The following MTMR3 variants were observed in gnomAD, a reference collection of about 807,000 sequenced individuals.
The protein encoded by MTMR3 is phosphatidylinositol-3,5-bisphosphate 3-phosphatase MTMR3.
MTMR3 carries 32 observed loss-of-function variants against 132.4 expected under a neutral mutation model. That is an observed-to-expected ratio of 0.24 (90% CI 0.18 to 0.32). The LOEUF (loss-of-function observed/expected upper bound fraction) is 0.32. Among genes scored for constraint, MTMR3 ranks in the 10% least tolerant of loss-of-function variants. The pLI is 1.00. For missense variants in MTMR3, 1,216 were observed against 1,489.6 expected, an observed-to-expected ratio of 0.82 and a Z score of 3.02; for synonymous variants, 556 against 550.3, an observed-to-expected ratio of 1.01 and a Z score of -0.14.
At chr22:30,000,139 A>G (rs2067139624) in intron 8 of MTMR3, 1 of 152,042 alleles carries the variant, frequency 6.6e-6, no homozygotes. Flanking sequence ...AAAATTGTCC[A>G]TGATAGTTAA....
intron 13 of MTMR3, 23 bp from the exon 14 acceptor site, chr22:30,013,331 GTC>G (rs748206754): frequency 1.2e-6 from 2 of 1,611,612 alleles, no homozygotes; most frequent in African/African-American, 2.7e-5. Context: ...AGCACAAATG[GTC>G]TCTCCTGGAT....
intron 1 of MTMR3, among the ~76,000 whole-genome samples, chr22:29,948,102 A>G (rs1284704324): frequency 6.6e-6 from 1 of 152,204 alleles, no homozygotes; most frequent in Non-Finnish European, 1.5e-5. Context: ...GATTATTTTC[A>G]TTTCACATAG....
chr22:29,902,062 A>G (rs1337908115), intron 1 of MTMR3, among the ~76,000 whole-genome samples: 1 of 152,160 alleles, frequency 6.6e-6, no homozygotes, highest in East Asian at 1.9e-4. Context: ...TTATGGTTTA[A>G]AAAAATATGG....
intron 19 of MTMR3, chr22:30,023,573 T>TA: frequency 6.6e-7 from 1 of 1,506,698 alleles, no homozygotes; most frequent in Admixed American, 1.7e-5. Flanking sequence ...TCTCTGCACT[T>TA]ACTAGGGTGA....
At chr22:30,013,621 A>T (rs1029649898) in intron 14 of MTMR3, 80 bp downstream of exon 14, 11 of 1,341,022 alleles carry the variant, frequency 8.2e-6, no homozygotes, top group Non-Finnish European at 1.1e-5. Flanking sequence ...CTCACATGAA[A>T]CTGTGCTGCC....
chr22:29,884,450 C>A lies in MTMR3; in HGVS notation c.-138+1091C>A, dbSNP rs544839963. 2.7e-5 allele frequency among the ~76,000 whole-genome samples: 4 copies of A among 150,730 alleles called. No homozygotes were observed. The East Asian group carries it at 7.8e-4, about 29-fold the overall frequency. On this transcript the variant is annotated intron_variant, in intron 1 of 19. Transcript: ENST00000401950. Reference sequence around the variant, plus strand: ...GGTGGGGACCTTCCCCTTTCAGATTCAGGGCTGTTCAGTAGGACAGGAGAC... The same window carrying A: ...GGTGGGGACCTTCCCCTTTCAGATTAAGGGCTGTTCAGTAGGACAGGAGAC...
At chr22:29,927,149 T>C (rs1335002469) in intron 1 of MTMR3, among the ~76,000 whole-genome samples, 31 of 152,228 alleles carry the variant, frequency 2.0e-4, no homozygotes, top group Admixed American at 1.9e-3. Context: ...GTTAAATAAA[T>C]GTTAAATAAA....
chr22:29,895,771 G>A (rs985238303), intron 1 of MTMR3, among the ~76,000 whole-genome samples: 6 of 152,062 alleles, frequency 3.9e-5, no homozygotes, highest in African/African-American at 1.2e-4. Flanking sequence ...GGAGCAGACC[G>A]CCAAACAGTG....
At chr22:29,938,912 C>G (rs1226815586) in intron 1 of MTMR3, among the ~76,000 whole-genome samples, 2 of 152,062 alleles carry the variant, frequency 1.3e-5, no homozygotes, top group Non-Finnish European at 2.9e-5. Context: ...ACCTCCACCT[C>G]CCGGGTTCAA....
chr22:29,956,502 C>T (rs1011651789), intron 1 of MTMR3, among the ~76,000 whole-genome samples: 3 of 152,174 alleles, frequency 2.0e-5, no homozygotes, highest in African/African-American at 4.8e-5. Context: ...CTGCCTTGGC[C>T]TCCCAAAGTG....
chr22:29,909,009 A>C (rs1189119310), intron 1 of MTMR3, among the ~76,000 whole-genome samples: 1 of 140,566 alleles, frequency 7.1e-6, no homozygotes. Flanking sequence ...ACAAATTCTC[A>C]CTCTGTTGCC....
chr22:30,010,370 G>C (rs1432434049), intron 12 of MTMR3: 1 of 152,164 alleles, frequency 6.6e-6, no homozygotes, highest in Non-Finnish European at 1.5e-5. Flanking sequence ...GCCCTCACCT[G>C]GTCCACATAA....
At chr22:29,895,462 G>C (rs1438619289) in intron 1 of MTMR3, among the ~76,000 whole-genome samples, 2 of 152,168 alleles carry the variant, frequency 1.3e-5, no homozygotes, top group African/African-American at 4.8e-5. Flanking sequence ...GCATCCTGCT[G>C]GTTGTGGAAG....
In MTMR3 at chr22:29,935,648, G is replaced by A. The variant is rs1249817754; in HGVS notation, c.-137-21388G>A. On this transcript the variant is annotated intron_variant, in intron 1 of 19. Coordinates refer to ENST00000401950, the MANE Select transcript of MTMR3 (RefSeq NM_021090.4). ...AGAATAGAATAAAAGAAGGAAAGCA[G>A]GAGATCTATTCCTCAGTTATGACTT... Among the ~76,000 whole-genome samples the A allele has an allele frequency of 2.6e-5, 4 of 152,172 alleles. No individual in the cohort carries two copies. In the East Asian group the frequency reaches 7.7e-4, roughly 29 times the overall value.
At chr22:29,914,870 A>G (rs942510537) in intron 1 of MTMR3, among the ~76,000 whole-genome samples, 2 of 152,188 alleles carry the variant, frequency 1.3e-5, no homozygotes, top group African/African-American at 4.8e-5. Context: ...GTGTACTACT[A>G]TTCAGTTTGA....
At position 30,019,859 on chromosome 22, in the gene MTMR3, G is replaced by T; in HGVS notation, c.2200G>T (p.Ala734Ser). The T allele has an allele frequency of 6.2e-7, 1 of 1,614,180 alleles. No homozygotes were observed. The highest frequency in any genetic ancestry group is 1.3e-5 in the African/African-American group (1 of 75,058). The change falls in exon 17 of 20, where the codon GCC (alanine) becomes TCC (serine). Residue 734 changes from alanine (A) to serine (S), a missense_variant. By Grantham distance (99) the Ala-to-Ser change is moderately conservative. Coordinates refer to ENST00000401950, the MANE Select transcript of MTMR3 (RefSeq NM_021090.4). ...EKESRRKTPE[A>S]SAIGLHQDPE... ...GGAGAGCAGGAGGAAGACACCTGAGGCCTCAGCCATTGGACTTCACCAAGA... is the reference window on the plus strand; with the variant it reads ...GGAGAGCAGGAGGAAGACACCTGAGTCCTCAGCCATTGGACTTCACCAAGA...
At chr22:29,944,253 A>G (rs1402794865) in intron 1 of MTMR3, among the ~76,000 whole-genome samples, 3 of 151,586 alleles carry the variant, frequency 2.0e-5, no homozygotes, top group African/African-American at 7.3e-5. Context: ...TTTGCCATTA[A>G]AAATGATGGC....
chr22:29,906,274 G>A (rs368597805), intron 1 of MTMR3, among the ~76,000 whole-genome samples: 87 of 123,048 alleles, frequency 7.1e-4, no homozygotes, highest in Middle Eastern at 3.8e-3. Flanking sequence ...CTGTCTGTCT[G>A]TCTGTCTGTC....
At chr22:29,970,863 T>A (rs2066519172) in intron 2 of MTMR3, 113 bp from the exon 3 acceptor site, 1 of 525,588 alleles carries the variant, frequency 1.9e-6, no homozygotes, top group Non-Finnish European at 3.3e-6. Flanking sequence ...CTTAGGCCTG[T>A]GTATATACAA....
Sources: gnomAD v4.1 joint callset for allele counts (sites outside exome capture counted in the v4.1 genomes callset) on GRCh38, gnomAD v4.1.1 for gene constraint, MANE v1.5 for transcripts, NCBI Gene and HGNC (gene_info 2026-07-23, HGNC 2026-07-21) for gene names.